The following HS3ST6 variants were observed in gnomAD, a reference collection of about 807,000 sequenced individuals.
HS3ST6 encodes heparan sulfate glucosamine 3-O-sulfotransferase 6.
In HS3ST6, 13 loss-of-function variants were observed where a neutral mutation model predicts 11.0. That is an observed-to-expected ratio of 1.18 (90% CI 0.77 to 1.88). The LOEUF (loss-of-function observed/expected upper bound fraction) is 1.88. Ranked by LOEUF, HS3ST6 falls within the 40% of genes most tolerant of loss-of-function variation. The pLI is 0.00. For missense variants in HS3ST6, 541 were observed against 494.4 expected (o/e 1.09, Z -0.89); for synonymous variants, 232 against 230.6 (o/e 1.01, Z -0.06).
Position 1,911,902 on chromosome 16 carries a change from G to C in HS3ST6, c.717C>G (p.Phe239Leu), listed in dbSNP as rs756496184. 3 of 1,603,622 alleles carry C rather than the reference G, an allele frequency of 1.9e-6. No homozygotes were observed. Among genetic ancestry groups the C allele is most frequent in the African/African-American group, 1.3e-5 (1 of 74,760 alleles). Residue 239 changes from phenylalanine to leucine, a missense_variant, in exon 2 of 2, where the codon TTC (phenylalanine) becomes TTG (leucine). By Grantham distance (22) the Phe-to-Leu change is conservative. Coordinates refer to ENST00000454677, the MANE Select transcript of HS3ST6 (RefSeq NM_001009606.4). ...TGACGAACAGGAAGTGGGACAGGGG[G>C]AAGTAGCGCAGCCAGTGGTCCAGGT... ...AQHLDHWLRY[F>L]PLSHFLFVSG...
intron 1 of HS3ST6, among the ~76,000 whole-genome samples, chr16:1,913,362 G>C (rs530325476): frequency 6.6e-6 from 1 of 152,144 alleles, no homozygotes; most frequent in African/African-American, 2.4e-5. Context: ...CCAAGGTCCC[G>C]GGGGAATCAG....
Position 1,911,667 on chromosome 16 carries a change from G to T in HS3ST6, c.952C>A (p.Arg318=). ...GGCCGGTAGAACTCCTGCAGGCGCCGGACCAGGGCCTGGGGCACGCGTGGG... is the reference window on the plus strand; with the variant it reads ...GGCCGGTAGAACTCCTGCAGGCGCCTGACCAGGGCCTGGGGCACGCGTGGG... ...PHPRVPQALV[R]RLQEFYRPFN... The change falls in exon 2 of 2, where the codon CGG becomes AGG. Residue 318 remains arginine, a synonymous_variant. Transcript: ENST00000454677. 6.2e-7 allele frequency: 1 copy of T among 1,611,168 alleles called. No individual in the cohort carries two copies.
chr16:1,915,353 A>G (rs1190374230), intron 1 of HS3ST6, among the ~76,000 whole-genome samples: 1 of 152,106 alleles, frequency 6.6e-6, no homozygotes, highest in Non-Finnish European at 1.5e-5. Flanking sequence ...TCAGCTCACT[A>G]CAACCTCTGC....
At chr16:1,920,889 G>A (rs2082960830), upstream of HS3ST6, among the ~76,000 whole-genome samples, 1 of 152,174 alleles carries the variant, frequency 6.6e-6, no homozygotes, top group South Asian at 2.1e-4. Context: ...CATTAATGTC[G>A]CTCAGTGGAA....
upstream of HS3ST6, among the ~76,000 whole-genome samples, chr16:1,920,866 G>T (rs1251413275): frequency 6.6e-6 from 1 of 152,222 alleles, no homozygotes; most frequent in Non-Finnish European, 1.5e-5. Context: ...AGCCTGGCAC[G>T]CAGTGGACAT....
At chr16:1,918,538 T>G (rs1434267281), upstream of HS3ST6, 4 of 140,048 alleles carry the variant, frequency 2.9e-5, no homozygotes, top group African/African-American at 7.9e-5. The surrounding 1 kb of genome is among the most constrained non-coding windows in gnomAD (Gnocchi z 6.0). Flanking sequence ...CTGCCTGGGC[T>G]GGACCCGCCG....
upstream of HS3ST6, among the ~76,000 whole-genome samples, chr16:1,919,428 C>G (rs1010686246): frequency 6.6e-6 from 1 of 152,236 alleles, no homozygotes; most frequent in Admixed American, 6.5e-5. Flanking sequence ...GCGAGCCGGG[C>G]TCAGAGAGGG....
intron 1 of HS3ST6, among the ~76,000 whole-genome samples, chr16:1,914,391 C>G (rs373251756): frequency 6.6e-6 from 1 of 152,148 alleles, no homozygotes; most frequent in Non-Finnish European, 1.5e-5. Context: ...CACGGGACCT[C>G]GCTGACGATG....
chr16:1,918,103 G>A lies in HS3ST6; in HGVS notation c.221C>T (p.Pro74Leu). 6 of 1,479,256 alleles carry A rather than the reference G, an allele frequency of 4.1e-6. No homozygotes were observed. The highest frequency in any genetic ancestry group is 5.4e-6 in the Non-Finnish European group (6 of 1,120,596). The allele number at this position is 1,479,256 out of a possible 1,614,324, so 91.6% of individuals were successfully genotyped here. ...GGCCAAAGGCAGGCCGGGTGCTCCC[G>A]GGCGGTGGACGGAGCTGGACGGCTC... Reference protein sequence around the residue: ...PSEPSSSVHRPGAPGLPLASG... With the variant: ...PSEPSSSVHRLGAPGLPLASG... Residue 74 changes from proline to leucine, a missense_variant, in exon 1 of 2, where the codon CCG (proline) becomes CTG (leucine). Pro to Leu is a moderately conservative substitution (Grantham distance 98). Coordinates refer to ENST00000454677, the MANE Select transcript of HS3ST6 (RefSeq NM_001009606.4). This position sits in a 1 kb window ranked among gnomAD's most constrained non-coding sequence, Gnocchi z 6.0.
Position 1,911,944 on chromosome 16 carries a change from G to T in HS3ST6, c.675C>A (p.Ile225=). The change falls in exon 2 of 2, where the codon ATC becomes ATA. Residue 225 remains isoleucine, a synonymous_variant. Coordinates refer to ENST00000454677, the MANE Select transcript of HS3ST6 (RefSeq NM_001009606.4). ...PVDTAWSAVR[I]GLYAQHLDHW... Reference sequence around the variant, plus strand: ...GGTCCAGGTGCTGGGCGTACAGGCCGATGCGGACGGCGCTCCAGGCTGTGT... The same window carrying T: ...GGTCCAGGTGCTGGGCGTACAGGCCTATGCGGACGGCGCTCCAGGCTGTGT... 2 of 1,585,288 alleles carry T rather than the reference G, an allele frequency of 1.3e-6. No homozygotes were observed. The highest frequency in any genetic ancestry group is 2.2e-5 in the East Asian group (1 of 44,554).
rs2082939914 is a variant in HS3ST6, at chr16:1,918,166, G to A, written c.158C>T (p.Pro53Leu). Residue 53 changes from proline (P) to leucine (L), a missense_variant, in exon 1 of 2, where the codon CCG (proline) becomes CTG (leucine). Pro to Leu is a moderately conservative substitution (Grantham distance 98). Transcript: ENST00000454677. The surrounding 1 kb of genome is among the most constrained non-coding windows in gnomAD (Gnocchi z 6.0). ...CLCALPGRCP[P>L]AARAPAPAPA... ...GGCCGGCGCGGGGGCGCGGGCGGCC[G>A]GCGGGCAGCGGCCGGGGAGGGCGCA... is the stretch of plus-strand genomic sequence containing the variant. The A allele has an allele frequency of 8.9e-7, 1 of 1,120,170 alleles. No individual in the cohort carries two copies. The highest frequency in any genetic ancestry group is 4.3e-5 in the South Asian group (1 of 23,384). 69.4% of individuals were successfully genotyped at this position (1,120,170 alleles called of 1,614,324 possible).
upstream of HS3ST6, among the ~76,000 whole-genome samples, chr16:1,918,779 C>G (rs1327120294): frequency 6.6e-6 from 1 of 152,096 alleles, no homozygotes; most frequent in African/African-American, 2.4e-5. The surrounding 1 kb of genome is among the most constrained non-coding windows in gnomAD (Gnocchi z 6.0). Context: ...CCGGGACGTG[C>G]GCGGCAGGTG....
rs932947794 is a variant in HS3ST6, at chr16:1,912,404, C to T, written c.414-199G>A. Among the ~76,000 whole-genome samples, 4 of 152,116 alleles carry T rather than the reference C, an allele frequency of 2.6e-5. No homozygotes were observed. Among genetic ancestry groups the T allele is most frequent in the Middle Eastern group, 3.4e-3 (1 of 294 alleles). ...ACATGGACTGTGAGGGTGCCCAGCC[C>T]GGCACCTGCCTGCAGCCCGGCCTGT... On this transcript the variant is annotated intron_variant, in intron 1 of 1. Coordinates refer to ENST00000454677, the MANE Select transcript of HS3ST6 (RefSeq NM_001009606.4). This position sits in a 1 kb window ranked among gnomAD's most constrained non-coding sequence, Gnocchi z 5.6.
At position 1,911,803 on chromosome 16, in the gene HS3ST6, G is replaced by A. The variant is rs376367260; in HGVS notation, c.816C>T (p.Val272=). The part of the protein sequence containing the change: ...RVQDFLGLKR[V]VTDKHFYFNA... ...TGAAGTAGAAGTGCTTGTCCGTGAC[G>A]ACCCGTTTCAGGCCCAGGAAGTCCT... Residue 272 remains valine (V), a synonymous_variant, in exon 2 of 2, where the codon GTC becomes GTT. Transcript: ENST00000454677. 5.8e-5 allele frequency: 93 copies of A among 1,613,870 alleles called. No individual in the cohort carries two copies. Among genetic ancestry groups the A allele is most frequent in the East Asian group, 2.5e-4 (11 of 44,880 alleles).
At chr16:1,914,696 G>T (rs1023630063) in intron 1 of HS3ST6, among the ~76,000 whole-genome samples, 1 of 152,224 alleles carries the variant, frequency 6.6e-6, no homozygotes, top group Non-Finnish European at 1.5e-5. Context: ...GAGCTCCGTA[G>T]GGGGATGGGG....
rs374948917 is a variant in HS3ST6 at position 1,912,118 on chromosome 16, G to C, written c.501C>G (p.Ile167Met). Reference protein sequence around the residue: ...YFVTREAPRRIHAMSPDTKLI... With the variant: ...YFVTREAPRRMHAMSPDTKLI... Reference sequence around the variant, plus strand: ...GCTTCGTGTCCGGGGACATGGCGTGGATGCGGCGGGGGGCCTCTCGCGTCA... The same window carrying C: ...GCTTCGTGTCCGGGGACATGGCGTGCATGCGGCGGGGGGCCTCTCGCGTCA... Residue 167 changes from isoleucine (I) to methionine (M), a missense_variant, in exon 2 of 2, where the codon ATC (isoleucine) becomes ATG (methionine). By Grantham distance (10) the Ile-to-Met change is conservative. Transcript: ENST00000454677. This position sits in a 1 kb window ranked among gnomAD's most constrained non-coding sequence, Gnocchi z 5.6. 6.7e-7 allele frequency: 1 copy of C among 1,503,664 alleles called. No individual in the cohort carries two copies. Among genetic ancestry groups the C allele is most frequent in the Non-Finnish European group, 8.9e-7 (1 of 1,128,054 alleles). The allele number at this position is 1,503,664 out of a possible 1,614,324, so 93.1% of individuals were successfully genotyped here. A position where few individuals can be genotyped will look rare whatever the true frequency, so the allele number is the denominator to read the frequency against.
intron 1 of HS3ST6, among the ~76,000 whole-genome samples, chr16:1,917,666 G>A (rs1172842282): frequency 6.6e-6 from 1 of 152,228 alleles, no homozygotes; most frequent in Admixed American, 6.5e-5. Context: ...CCTCAGCAGA[G>A]AGAACGGAAC....
At chr16:1,915,937 C>T (rs971304172) in intron 1 of HS3ST6, among the ~76,000 whole-genome samples, 1 of 152,224 alleles carries the variant, frequency 6.6e-6, no homozygotes, top group Admixed American at 6.5e-5. Context: ...CCCGGAGACT[C>T]AACTGGGGGC....
At chr16:1,920,917 G>A (rs1014778418), upstream of HS3ST6, among the ~76,000 whole-genome samples, 14 of 152,332 alleles carry the variant, frequency 9.2e-5, no homozygotes, top group East Asian at 1.9e-3. Context: ...CGTGGGAGGA[G>A]AGGTCGGGAA....
Sources: gnomAD v4.1 joint callset for allele counts (sites outside exome capture counted in the v4.1 genomes callset) on GRCh38, gnomAD v4.1.1 for gene constraint, Gnocchi (gnomAD v3.1) non-coding constraint, MANE v1.5 for transcripts, NCBI Gene and HGNC (gene_info 2026-07-23, HGNC 2026-07-21) for gene names.